The following CRTAC1 variants were observed in gnomAD, a reference collection of about 807,000 sequenced individuals.
CRTAC1 encodes acidic secreted protein in cartilage.
In CRTAC1, 37 loss-of-function variants were observed where a neutral mutation model predicts 67.8. The observed-to-expected ratio is 0.55, with a 90% CI of 0.42 to 0.72. CRTAC1 has a LOEUF of 0.72. CRTAC1 is among the 30% of genes least tolerant of loss of function. The probability of loss-of-function intolerance (pLI) is 0.00; values close to 1 mark genes in which losing one functional copy is unlikely to be tolerated. For synonymous variants in CRTAC1, 348 were observed against 371.0 expected, an observed-to-expected ratio of 0.94 and a Z score of 0.71; for missense variants, 780 against 931.6, an observed-to-expected ratio of 0.84 and a Z score of 2.12.
chr10:97,956,088 T>C (rs1301527184), intron 2 of CRTAC1, among the ~76,000 whole-genome samples: 1 of 152,200 alleles, frequency 6.6e-6, no homozygotes, highest in South Asian at 2.1e-4. Context: ...CGATTACAGT[T>C]GCTTCCAGAT....
rs760874556 is a variant in CRTAC1, at chr10:98,029,533, A to G, written c.24+916T>C. 1.1e-3 allele frequency among the ~76,000 whole-genome samples: 127 copies of G among 112,606 alleles called. No individual in the cohort carries two copies. Among genetic ancestry groups the G allele is most frequent in the Non-Finnish European group, 2.0e-3 (95 of 47,690 alleles). 73.9% of individuals were successfully genotyped at this position (112,606 alleles called of 152,430 possible). On this transcript the variant is annotated intron_variant, in intron 1 of 14. Coordinates refer to ENST00000370597, the MANE Select transcript of CRTAC1 (RefSeq NM_018058.7). The surrounding 1 kb of genome is among the most constrained non-coding windows in gnomAD (Gnocchi z 4.7). ...CGGCGGCGGCGGCGGCGGCGGCAGC[A>G]GCAGCAATATTCATTAGTCATTCCT...
At chr10:97,994,968 A>G (rs556119952) in intron 2 of CRTAC1, among the ~76,000 whole-genome samples, 10 of 152,214 alleles carry the variant, frequency 6.6e-5, no homozygotes, top group Non-Finnish European at 1.3e-4. Context: ...CCACTGCCCA[A>G]TCATGGACAG....
chr10:97,956,255 C>T (rs991090260), intron 2 of CRTAC1, among the ~76,000 whole-genome samples: 7 of 152,246 alleles, frequency 4.6e-5, no homozygotes, highest in Non-Finnish European at 7.3e-5. Flanking sequence ...CTGCCAGGCA[C>T]AGGGCTAAGC....
At chr10:97,970,586 C>G (rs140736862) in intron 2 of CRTAC1, among the ~76,000 whole-genome samples, 1 of 152,382 alleles carries the variant, frequency 6.6e-6, no homozygotes, top group African/African-American at 2.4e-5. Flanking sequence ...ACAGGGCTCC[C>G]TCCCTCGGGT....
rs572089045 is a variant in CRTAC1 at position 97,890,962 on chromosome 10, C to A, written c.1486+4283G>T. On this transcript the variant is annotated intron_variant, in intron 11 of 14. Transcript: ENST00000370597. Reference sequence around the variant, plus strand: ...GAGGACAGGCGTGAGCCACTGCACCCGGCTGCATTTTCTTTTTTTGTAGCC... The same window carrying A: ...GAGGACAGGCGTGAGCCACTGCACCAGGCTGCATTTTCTTTTTTTGTAGCC... Among the ~76,000 whole-genome samples the A allele has an allele frequency of 3.3e-5, 5 of 152,206 alleles. No individual in the cohort carries two copies. In the East Asian group the frequency reaches 9.6e-4, roughly 29 times the overall value.
intron 1 of CRTAC1, among the ~76,000 whole-genome samples, chr10:98,014,962 T>A (rs921891624): frequency 6.6e-6 from 1 of 152,150 alleles, no homozygotes; most frequent in African/African-American, 2.4e-5. Flanking sequence ...CACAAAAGAA[T>A]TGAGAAAAGA....
intron 2 of CRTAC1, among the ~76,000 whole-genome samples, chr10:97,990,776 T>A (rs1842432259): frequency 6.6e-6 from 1 of 152,140 alleles, no homozygotes; most frequent in Admixed American, 6.5e-5. Flanking sequence ...ATGAGTAGAA[T>A]GAACGAATAA....
chr10:97,950,240 C>CAGAGAG (rs1336847727), intron 2 of CRTAC1, among the ~76,000 whole-genome samples: 3 of 104,224 alleles, frequency 2.9e-5, no homozygotes, highest in African/African-American at 1.1e-4. Context: ...CGTGCACACA[C>CAGAGAG]ACACACAGAG....
chr10:98,015,828 G>C (rs994548466), intron 1 of CRTAC1, among the ~76,000 whole-genome samples: 11 of 152,164 alleles, frequency 7.2e-5, no homozygotes, highest in African/African-American at 2.7e-4. Flanking sequence ...GCTCCCAGGT[G>C]GTGGTGGTGA....
chr10:97,889,339 T>TG (rs1324992788), intron 11 of CRTAC1, among the ~76,000 whole-genome samples: 1 of 147,420 alleles, frequency 6.8e-6, no homozygotes, highest in Non-Finnish European at 1.5e-5. Flanking sequence ...AGGTTGGCGG[T>TG]GGGGGAGCCC....
intron 5 of CRTAC1, among the ~76,000 whole-genome samples, chr10:97,911,770 A>G (rs908935094): frequency 6.6e-6 from 1 of 152,204 alleles, no homozygotes; most frequent in Non-Finnish European, 1.5e-5. Flanking sequence ...GTCTTCTACC[A>G]GGGCTTTCCC....
rs1186995990 is a variant in CRTAC1 at position 98,011,253 on chromosome 10, C to A, written c.109G>T (p.Ala37Ser). The change falls in exon 2 of 15, where the codon GCA (alanine) becomes TCA (serine). Residue 37 changes from alanine to serine, a missense_variant. Ala to Ser is a moderately conservative substitution (Grantham distance 99, BLOSUM62 1). Coordinates refer to ENST00000370597, the MANE Select transcript of CRTAC1 (RefSeq NM_018058.7). Reference protein sequence around the residue: ...GSQRAEPMFTAVTNSVLPPDY... With the variant: ...GSQRAEPMFTSVTNSVLPPDY... ...GGAGGCAGAACTGAGTTGGTGACTG[C>A]AGTGAACATGGGTTCAGCCCGCTGG... is the stretch of plus-strand genomic sequence containing the variant. 2 of 1,614,218 alleles carry A rather than the reference C, an allele frequency of 1.2e-6. No individual in the cohort carries two copies. The highest frequency in any genetic ancestry group is 1.1e-5 in the South Asian group (1 of 91,082).
rs558265016 is a variant in CRTAC1 at position 97,889,785 on chromosome 10, G to T, written c.1487-5434C>A. On this transcript the variant is annotated intron_variant, in intron 11 of 14. Transcript: ENST00000370597. ...GCGCGTGACTCATGGAGGCAGGAAG[G>T]GGGCAGGGGCCCTGGGGGCAGGCAA... Among the ~76,000 whole-genome samples, 114 of 152,284 alleles carry T rather than the reference G, an allele frequency of 7.5e-4. 1 individual carries two copies. In the Middle Eastern group the frequency reaches 0.014, roughly 18 times the overall value.
intron 2 of CRTAC1, among the ~76,000 whole-genome samples, chr10:97,998,414 G>A (rs1010101895): frequency 1.3e-5 from 2 of 152,030 alleles, no homozygotes; most frequent in East Asian, 1.9e-4. Context: ...CAAACTGAAC[G>A]ATGAAAGAGA....
intron 13 of CRTAC1, among the ~76,000 whole-genome samples, chr10:97,881,780 C>T (rs944908119): frequency 6.6e-6 from 1 of 152,118 alleles, no homozygotes; most frequent in East Asian, 1.9e-4. Context: ...TCCTCCACCT[C>T]CCCACCTGTG....
chr10:97,911,370 G>A (rs2050686102), intron 5 of CRTAC1, among the ~76,000 whole-genome samples: 1 of 152,228 alleles, frequency 6.6e-6, no homozygotes, highest in South Asian at 2.1e-4. Context: ...TTGAAGCCTT[G>A]TACCATTTGT....
rs903333973 is a variant in CRTAC1 at position 98,030,613 on chromosome 10, G to T, written c.-141C>A. On this transcript the variant is annotated 5_prime_UTR_variant, in exon 1 of 15. Transcript: ENST00000370597. This position sits in a 1 kb window ranked among gnomAD's most constrained non-coding sequence, Gnocchi z 4.2. The stretch of plus-strand genomic sequence containing the variant: ...CCTCCCGCCCCGACGCCGCGCGCTC[G>T]CTTTATACAACTCCACTCGAGCGCG... The T allele has an allele frequency of 2.2e-6, 1 of 449,590 alleles. No individual in the cohort carries two copies. Among genetic ancestry groups the T allele is most frequent in the African/African-American group, 2.0e-5 (1 of 48,848 alleles). 27.9% of individuals were successfully genotyped at this position (449,590 alleles called of 1,614,324 possible).
intron 12 of CRTAC1, among the ~76,000 whole-genome samples, chr10:97,883,163 G>T (rs1042433660): frequency 6.6e-6 from 1 of 152,206 alleles, no homozygotes; most frequent in East Asian, 1.9e-4. Flanking sequence ...GTGTAATGAG[G>T]GCTGGGAGAT....
intron 3 of CRTAC1, among the ~76,000 whole-genome samples, chr10:97,923,821 C>G (rs945993029): frequency 6.6e-6 from 1 of 152,152 alleles, no homozygotes; most frequent in Non-Finnish European, 1.5e-5. Flanking sequence ...TCTACTGGAT[C>G]GCAGGACCTA....
Sources: gnomAD v4.1 joint callset for allele counts (sites outside exome capture counted in the v4.1 genomes callset) on GRCh38, gnomAD v4.1.1 for gene constraint, Gnocchi (gnomAD v3.1) non-coding constraint, MANE v1.5 for transcripts, NCBI Gene and HGNC (gene_info 2026-07-23, HGNC 2026-07-21) for gene names.